The following FAM98B variants were observed in gnomAD, a reference collection of about 807,000 sequenced individuals.
FAM98B encodes the protein tRNA-splicing ligase complex subunit FAM98B.
Under a neutral mutation model 43.9 loss-of-function variants are expected in FAM98B, and 32 were observed. The observed-to-expected ratio is 0.73, with a 90% CI of 0.55 to 0.98. The LOEUF (loss-of-function observed/expected upper bound fraction) is 0.98. FAM98B is among the 50% of genes least tolerant of loss of function. The pLI is 0.00. For synonymous variants in FAM98B, 190 were observed against 174.0 expected, an observed-to-expected ratio of 1.09 and a Z score of -0.72; for missense variants, 514 against 522.9, an observed-to-expected ratio of 0.98 and a Z score of 0.17.
chr15:38,481,793 G>A (rs144911866), intron 7 of FAM98B: 330 of 564,398 alleles, frequency 5.8e-4, no homozygotes, highest in African/African-American at 4.8e-3. Flanking sequence ...TGACAGATTC[G>A]TTATATCCTT....
chr15:38,462,410 A>G (rs1261134260), intron 1 of FAM98B, among the ~76,000 whole-genome samples: 1 of 152,204 alleles, frequency 6.6e-6, no homozygotes, highest in Middle Eastern at 3.2e-3. Context: ...TAAGACAAAA[A>G]TGAAATAAAA....
chr15:38,473,395 G>A, intron 4 of FAM98B, 110 bp from the exon 5 acceptor site: 2 of 708,626 alleles, frequency 2.8e-6, no homozygotes, highest in East Asian at 2.9e-5. Flanking sequence ...TTTTAATTAT[G>A]TCACTTTAAT....
chr15:38,487,538 G>A lies in FAM98B; in HGVS notation c.*2879G>A, dbSNP rs1377312619. The A allele has an allele frequency of 2.0e-5, 3 of 152,160 alleles. No individual in the cohort carries two copies. The highest frequency in any genetic ancestry group is 4.2e-4 in the South Asian group (2 of 4,816). 9.4% of individuals were successfully genotyped at this position (152,160 alleles called of 1,614,324 possible). On this transcript the variant is annotated 3_prime_UTR_variant, in exon 8 of 8. Coordinates refer to ENST00000397609, the MANE Select transcript of FAM98B (RefSeq NM_173611.4). Reference sequence around the variant, plus strand: ...ATGATAAATACACCCCCATCTAAATGTTCCAGAATGCATTCCACAGAGGAA... The same window carrying A: ...ATGATAAATACACCCCCATCTAAATATTCCAGAATGCATTCCACAGAGGAA...
chr15:38,484,529 G>T lies in FAM98B; in HGVS notation c.1172G>T (p.Gly391Val), dbSNP rs1322170723. Reference protein sequence around the residue: ...GGGRGGFQGRGDYGGRGGYGG... With the variant: ...GGGRGGFQGRVDYGGRGGYGG... ...GGTAGAGGAGGTTTCCAAGGCAGGG[G>T]AGATTATGGTGGAAGAGGGGGTTAT... is the stretch of plus-strand genomic sequence containing the variant. The change falls in exon 8 of 8, where the codon GGA becomes GTA. Residue 391 changes from glycine (G) to valine (V), a missense_variant. Around this residue, in one of 2 missense-constraint regions of FAM98B, gnomAD observed 45 missense variants for 71.1 expected, o/e 0.63. Coordinates refer to ENST00000397609, the MANE Select transcript of FAM98B (RefSeq NM_173611.4). 1.4e-6 allele frequency: 2 copies of T among 1,402,536 alleles called. No individual in the cohort carries two copies. The highest frequency in any genetic ancestry group is 1.9e-6 in the Non-Finnish European group (2 of 1,077,720). 86.9% of individuals were successfully genotyped at this position (1,402,536 alleles called of 1,614,324 possible).
At chr15:38,459,492 A>C in intron 1 of FAM98B, 1 of 334,804 alleles carries the variant, frequency 3.0e-6, no homozygotes, top group South Asian at 2.4e-5. Flanking sequence ...CTTGGTGAGC[A>C]CCAGGGCATC....
At chr15:38,465,647 T>G (rs192937063) in intron 3 of FAM98B, among the ~76,000 whole-genome samples, 108 of 152,252 alleles carry the variant, frequency 7.1e-4, no homozygotes, top group African/African-American at 2.5e-3. Flanking sequence ...TATATAGTAC[T>G]TTAGTAATTT....
chr15:38,484,353 C>T lies in FAM98B; in HGVS notation c.996C>T (p.Gly332=), dbSNP rs375116191. The T allele has an allele frequency of 2.4e-4, 370 of 1,512,300 alleles. 1 individual carries two copies. Among genetic ancestry groups the T allele is most frequent in the South Asian group, 1.3e-3 (108 of 82,334 alleles). 93.7% of individuals were successfully genotyped at this position (1,512,300 alleles called of 1,614,324 possible). The change falls in exon 8 of 8, where the codon GGC becomes GGT. Residue 332 remains glycine, a synonymous_variant. Coordinates refer to ENST00000397609, the MANE Select transcript of FAM98B (RefSeq NM_173611.4). ...CTTGGCAAAAGAGACAAGAAGGCGGCGGTGGAAGGGGTGGTTGGGGTGGTG... is the reference window on the plus strand; with the variant it reads ...CTTGGCAAAAGAGACAAGAAGGCGGTGGTGGAAGGGGTGGTTGGGGTGGTG... ...MPPWQKRQEG[G]GGRGGWGGGG... is the part of the protein sequence containing the mutation.
intron 6 of FAM98B, among the ~76,000 whole-genome samples, chr15:38,480,525 G>C (rs538296232): frequency 1.3e-5 from 2 of 152,134 alleles, no homozygotes; most frequent in South Asian, 4.2e-4. Context: ...TAAGTGGGCA[G>C]AGCTAGGATT....
intron 7 of FAM98B, 65 bp from the exon 8 acceptor site, chr15:38,484,190 C>G: frequency 1.4e-6 from 2 of 1,466,428 alleles, no homozygotes; most frequent in Non-Finnish European, 1.9e-6. Flanking sequence ...AACAACATCA[C>G]TTGAAACTTT....
intron 1 of FAM98B, among the ~76,000 whole-genome samples, chr15:38,462,134 G>C (rs1343977954): frequency 6.6e-6 from 1 of 152,122 alleles, no homozygotes; most frequent in African/African-American, 2.4e-5. Context: ...GTAAATGTAT[G>C]TGTGTGTGAG....
At chr15:38,479,219 C>T (rs577851992) in intron 6 of FAM98B, among the ~76,000 whole-genome samples, 1 of 152,154 alleles carries the variant, frequency 6.6e-6, no homozygotes, top group Non-Finnish European at 1.5e-5. Context: ...GCTCCCACTT[C>T]AGCCTCCCAA....
At chr15:38,461,239 C>T (rs1183117947) in intron 1 of FAM98B, among the ~76,000 whole-genome samples, 2 of 152,120 alleles carry the variant, frequency 1.3e-5, no homozygotes, top group Non-Finnish European at 2.9e-5. Context: ...AAGATGTTTA[C>T]TATGAAATCT....
intron 4 of FAM98B, 147 bp downstream of exon 4, chr15:38,470,552 A>G (rs995155026): frequency 1.6e-5 from 10 of 642,086 alleles, no homozygotes; most frequent in East Asian, 3.4e-5. Context: ...TTGGATTCAG[A>G]CTTAACAGGC....
At chr15:38,465,129 A>T in intron 2 of FAM98B, 140 bp from the exon 3 acceptor site, 1 of 730,208 alleles carries the variant, frequency 1.4e-6, no homozygotes, top group South Asian at 2.5e-5. Context: ...TTGTTAACGT[A>T]AGCTTCGTGA....
chr15:38,479,555 T>C (rs1419502315), intron 6 of FAM98B, among the ~76,000 whole-genome samples: 2 of 152,246 alleles, frequency 1.3e-5, no homozygotes, highest in Non-Finnish European at 2.9e-5. Flanking sequence ...GGTTTATTCA[T>C]GTCATAGCAT....
At chr15:38,474,159 A>T (rs779209212) in intron 5 of FAM98B, 23 bp from the exon 6 acceptor site, 1 of 1,539,494 alleles carries the variant, frequency 6.5e-7, no homozygotes, top group South Asian at 1.1e-5. Flanking sequence ...AAAGTTTATT[A>T]TTTTTGTTTC....
chr15:38,464,418 C>T (rs1286687851), intron 2 of FAM98B, among the ~76,000 whole-genome samples: 2 of 152,034 alleles, frequency 1.3e-5, no homozygotes, highest in Admixed American at 6.5e-5. Flanking sequence ...TTCCTGACGG[C>T]TCTGATATCT....
chr15:38,483,228 C>T (rs973771942), intron 7 of FAM98B: 4 of 151,918 alleles, frequency 2.6e-5, no homozygotes, highest in African/African-American at 7.3e-5. Context: ...TAAGGTATGT[C>T]GTTATATATA....
intron 1 of FAM98B, among the ~76,000 whole-genome samples, chr15:38,463,538 G>A (rs1889982419): frequency 8.0e-6 from 1 of 125,330 alleles, no homozygotes; most frequent in Non-Finnish European, 1.8e-5. Flanking sequence ...AAATAAAATA[G>A]TAAAGTAAAA....
Sources: allele counts gnomAD v4.1 joint callset (sites outside exome capture counted in the v4.1 genomes callset), GRCh38; gene constraint gnomAD v4.1.1; regional missense constraint gnomAD v4.1.1; transcripts MANE v1.5; gene names NCBI Gene and HGNC (gene_info 2026-07-23, HGNC 2026-07-21).